The following FAR2 variants were observed in gnomAD, a reference collection of about 807,000 sequenced individuals.
The protein encoded by FAR2 is epididymis secretory protein Li 81.
FAR2 carries 19 observed loss-of-function variants against 56.0 expected under a neutral mutation model. The observed-to-expected ratio is 0.34, with a 90% CI of 0.24 to 0.50. The LOEUF (loss-of-function observed/expected upper bound fraction) is 0.50. FAR2 is among the 20% of genes least tolerant of loss of function. The pLI, the probability that FAR2 is intolerant of heterozygous loss-of-function variation, is 0.98. For missense variants in FAR2, 508 were observed against 642.2 expected (o/e 0.79, Z 2.26); for synonymous variants, 219 against 218.8 (o/e 1.00, Z -0.01).
At chr12:29,151,217 C>A (rs925733162) in intron 1 of FAR2, among the ~76,000 whole-genome samples, 1 of 152,186 alleles carries the variant, frequency 6.6e-6, no homozygotes, top group Non-Finnish European at 1.5e-5. Context: ...TGTGAAGGAT[C>A]ATGCACAGTG....
At chr12:29,325,927 C>A (rs948083247) in intron 10 of FAR2, among the ~76,000 whole-genome samples, 57 of 151,756 alleles carry the variant, frequency 3.8e-4, no homozygotes, top group Admixed American at 2.0e-3. Flanking sequence ...AAATAGAGAC[C>A]CAAAAAAACC....
At chr12:29,308,705 C>CATATATATATATATATATAT (rs1489134888) in intron 5 of FAR2, among the ~76,000 whole-genome samples, 33 of 132,570 alleles carry the variant, frequency 2.5e-4, no homozygotes, top group African/African-American at 1.1e-3. Context: ...CACACACACA[C>CATATATATATATATATATAT]ACACACACAC....
Position 29,275,217 on chromosome 12 carries a change from G to A in FAR2, c.189+4579G>A, listed in dbSNP as rs146670330. ...GTTTTATAGGATTTGGGTAGGTAAA[G>A]GAAAAAGGTGGGTTGTTCTCTGGCA... On this transcript the variant is annotated intron_variant, in intron 2 of 11. Coordinates refer to ENST00000536681, the MANE Select transcript of FAR2 (RefSeq NM_001271783.2). 5.4e-3 allele frequency among the ~76,000 whole-genome samples: 828 copies of A among 151,962 alleles called. 12 individuals carry two copies. Among genetic ancestry groups the A allele is most frequent in the African/African-American group, 0.018 (758 of 41,466 alleles).
intron 1 of FAR2, among the ~76,000 whole-genome samples, chr12:29,256,794 C>G (rs556959660): frequency 6.6e-6 from 1 of 152,340 alleles, no homozygotes; most frequent in South Asian, 2.1e-4. Context: ...AGGCCAGCTG[C>G]CGAGGAGGGT....
intron 1 of FAR2, among the ~76,000 whole-genome samples, chr12:29,174,543 C>T (rs898348362): frequency 5.3e-5 from 8 of 149,958 alleles, no homozygotes; most frequent in African/African-American, 1.7e-4. Flanking sequence ...GTCTCAGCCT[C>T]CCAAGTAGCT....
intron 1 of FAR2, among the ~76,000 whole-genome samples, chr12:29,191,624 T>G (rs1267048816): frequency 6.6e-6 from 1 of 152,262 alleles, no homozygotes; most frequent in Non-Finnish European, 1.5e-5. Context: ...TTTCTCTGTT[T>G]GTGTATACTC....
At chr12:29,150,765 T>C (rs1051994702) in intron 1 of FAR2, among the ~76,000 whole-genome samples, 7 of 152,224 alleles carry the variant, frequency 4.6e-5, no homozygotes, top group Non-Finnish European at 1.0e-4. Context: ...GTCTTTACAG[T>C]ACTCTTTTCC....
intron 1 of FAR2, among the ~76,000 whole-genome samples, chr12:29,254,865 A>G (rs537900211): frequency 2.0e-5 from 3 of 152,004 alleles, no homozygotes; most frequent in Admixed American, 6.6e-5. Context: ...AGGCATGAGA[A>G]TCACTTGAAC....
intron 4 of FAR2, 124 bp from the exon 5 acceptor site, chr12:29,307,534 T>C: frequency 1.1e-6 from 1 of 940,664 alleles, no homozygotes; most frequent in Non-Finnish European, 1.6e-6. Flanking sequence ...TGGTATCATG[T>C]GACTGTTCTG....
At chr12:29,207,758 A>C (rs899819517) in intron 1 of FAR2, among the ~76,000 whole-genome samples, 1 of 152,230 alleles carries the variant, frequency 6.6e-6, no homozygotes, top group Admixed American at 6.5e-5. Context: ...AACTAAAAGG[A>C]AATATTTCAG....
chr12:29,328,659 G>A (rs1434726320), intron 10 of FAR2, among the ~76,000 whole-genome samples: 10 of 148,392 alleles, frequency 6.7e-5, no homozygotes, highest in Admixed American at 4.1e-4. Context: ...ACCAAACACC[G>A]CATGTTCTCA....
chr12:29,250,527 C>T (rs1313269751), intron 1 of FAR2, among the ~76,000 whole-genome samples: 3 of 152,108 alleles, frequency 2.0e-5, no homozygotes, highest in Non-Finnish European at 4.4e-5. Context: ...TCTTATACCT[C>T]ATATTATTTA....
chr12:29,296,128 A>T (rs1591940920), intron 3 of FAR2, among the ~76,000 whole-genome samples: 2 of 152,318 alleles, frequency 1.3e-5, no homozygotes, highest in East Asian at 3.9e-4. Context: ...CAGTTTTTTT[A>T]AAAAGCTGCT....
intron 1 of FAR2, among the ~76,000 whole-genome samples, chr12:29,190,200 T>G (rs1196075146): frequency 1.3e-5 from 2 of 151,940 alleles, no homozygotes; most frequent in Admixed American, 1.3e-4. Flanking sequence ...CACCTAGGAG[T>G]GTGGAGCTCC....
intron 1 of FAR2, among the ~76,000 whole-genome samples, chr12:29,202,332 G>T (rs1947426809): frequency 6.6e-6 from 1 of 152,058 alleles, no homozygotes; most frequent in Admixed American, 6.5e-5. Flanking sequence ...ATGATCATTG[G>T]GGTATACCCA....
intron 8 of FAR2, among the ~76,000 whole-genome samples, chr12:29,313,535 T>G (rs534718636): frequency 1.6e-4 from 25 of 152,168 alleles, no homozygotes; most frequent in Non-Finnish European, 3.2e-4. Context: ...TTGGTAAAAT[T>G]ACCTATAAAT....
intron 1 of FAR2, among the ~76,000 whole-genome samples, chr12:29,200,298 G>A (rs1947390198): frequency 6.6e-6 from 1 of 152,210 alleles, no homozygotes; most frequent in Admixed American, 6.5e-5. Flanking sequence ...CATGAGGCCA[G>A]CAGTGAAAAA....
chr12:29,176,529 T>C (rs73273164), intron 1 of FAR2, among the ~76,000 whole-genome samples: 2,746 of 152,332 alleles, frequency 0.018, 78 homozygotes, highest in African/African-American at 0.057. Flanking sequence ...GAGAAAATTG[T>C]TTATATTAAC....
At chr12:29,216,187 ACACTATCTACCTC>A (rs1218090219) in intron 1 of FAR2, among the ~76,000 whole-genome samples, 1 of 152,176 alleles carries the variant, frequency 6.6e-6, no homozygotes, top group Non-Finnish European at 1.5e-5. Context: ...TTCTCATCTG[ACACTATCTACCTC>A]CAGGCTCCTC....
Sources: allele counts gnomAD v4.1 joint callset (sites outside exome capture counted in the v4.1 genomes callset), GRCh38; gene constraint gnomAD v4.1.1; transcripts MANE v1.5; gene names NCBI Gene and HGNC (gene_info 2026-07-23, HGNC 2026-07-21).